The following EFNA3 variants were observed in gnomAD, a reference collection of about 807,000 sequenced individuals.
The protein encoded by EFNA3 is ephrin A3.
A neutral mutation model predicts 25.0 loss-of-function variants in EFNA3; 15 were observed. The ratio of observed to expected loss-of-function variants is 0.60; its 90% CI spans 0.40 to 0.92. EFNA3 has a LOEUF of 0.92. EFNA3 is among the 40% of genes least tolerant of loss of function. The probability of loss-of-function intolerance (pLI) is 0.00; values close to 1 mark genes in which losing one functional copy is unlikely to be tolerated. For synonymous variants in EFNA3, 153 were observed against 145.6 expected (o/e 1.05, Z -0.37); for missense variants, 298 against 323.8 (o/e 0.92, Z 0.61).
In EFNA3 at chr1:155,085,069, A is replaced by C; in HGVS notation, c.129-22A>C. ...TTTGCTCTGGGGTTTCTTCTCTCTG[A>C]GCCGCTTCCTCTTCCCCACAGCCTG... On this transcript the variant is annotated intron_variant, in intron 1 of 4. Coordinates refer to ENST00000368408, the MANE Select transcript of EFNA3 (RefSeq NM_004952.5). The surrounding 1 kb of genome is among the most constrained non-coding windows in gnomAD (Gnocchi z 4.4). 6.2e-7 allele frequency: 1 copy of C among 1,611,986 alleles called. No individual in the cohort carries two copies. The highest frequency in any genetic ancestry group is 1.1e-5 in the South Asian group (1 of 90,880).
rs2102451623 is a variant in EFNA3, at chr1:155,081,448, T to C, written c.128+2379T>C. On this transcript the variant is annotated intron_variant, in intron 1 of 4. Transcript: ENST00000368408. This position sits in a 1 kb window ranked among gnomAD's most constrained non-coding sequence, Gnocchi z 5.2. Reference sequence around the variant, plus strand: ...ACTGAGCAAGGATGTTGGTATTTGCTCCGTTCTCAAGGAGCTTCGGGAACA... The same window carrying C: ...ACTGAGCAAGGATGTTGGTATTTGCCCCGTTCTCAAGGAGCTTCGGGAACA... Among the ~76,000 whole-genome samples the C allele has an allele frequency of 6.6e-6, 1 of 152,362 alleles. No individual in the cohort carries two copies. The highest frequency in any genetic ancestry group is 2.1e-4 in the South Asian group (1 of 4,832).
chr1:155,085,368 T>C lies in EFNA3; in HGVS notation c.406T>C (p.Tyr136His), dbSNP rs1663434166. 4 of 1,611,220 alleles carry C rather than the reference T, an allele frequency of 2.5e-6. No individual in the cohort carries two copies. The highest frequency in any genetic ancestry group is 2.2e-5 in the South Asian group (2 of 90,848). ...FQRYSAFSLG[Y>H]EFHAGHEYYY... ...GCGCTACAGCGCCTTCTCTCTGGGC[T>C]ACGAGTTCCACGCCGGCCACGAGTA... The change falls in exon 2 of 5, where the codon TAC becomes CAC. Residue 136 changes from tyrosine (Y) to histidine (H), a missense_variant. By Grantham distance (83) the Tyr-to-His change is moderately conservative (BLOSUM62 2). Coordinates refer to ENST00000368408, the MANE Select transcript of EFNA3 (RefSeq NM_004952.5). This position sits in a 1 kb window ranked among gnomAD's most constrained non-coding sequence, Gnocchi z 4.4.
At position 155,079,650 on chromosome 1, in the gene EFNA3, G is replaced by T. The variant is rs1331888967; in HGVS notation, c.128+581G>T. Among the ~76,000 whole-genome samples the T allele has an allele frequency of 6.6e-6, 1 of 152,176 alleles. No individual in the cohort carries two copies. Among genetic ancestry groups the T allele is most frequent in the Admixed American group, 6.5e-5 (1 of 15,286 alleles). On this transcript the variant is annotated intron_variant, in intron 1 of 4. Transcript: ENST00000368408. The surrounding 1 kb of genome is among the most constrained non-coding windows in gnomAD (Gnocchi z 7.7). ...TGGGGGGCCCTGGGAATGCTGCTTG[G>T]TTAGGATGGGAACGTGGGGTACCGG...
At position 155,079,025 on chromosome 1, in the gene EFNA3, G is replaced by A. The variant is rs1460548925; in HGVS notation, c.84G>A (p.Ala28=). Residue 28 remains alanine, a synonymous_variant, in exon 1 of 5, where the codon GCG becomes GCA. Coordinates refer to ENST00000368408, the MANE Select transcript of EFNA3 (RefSeq NM_004952.5). This position sits in a 1 kb window ranked among gnomAD's most constrained non-coding sequence, Gnocchi z 7.7. ...LPLLAQGPGG[A]LGNRHAVYWN... The stretch of plus-strand genomic sequence containing the variant: ...TGCTGGCCCAAGGGCCCGGAGGGGC[G>A]CTGGGAAACCGGCATGCGGTGTACT... 2.8e-6 allele frequency: 4 copies of A among 1,420,970 alleles called. No individual in the cohort carries two copies. The highest frequency in any genetic ancestry group is 6.1e-5 in the East Asian group (2 of 32,812). 88.0% of individuals were successfully genotyped at this position (1,420,970 alleles called of 1,614,324 possible).
At chr1:155,084,006 C>A (rs1242231163) in intron 1 of EFNA3, among the ~76,000 whole-genome samples, 1 of 152,222 alleles carries the variant, frequency 6.6e-6, no homozygotes, top group Non-Finnish European at 1.5e-5. Flanking sequence ...GGTGTTAAGA[C>A]CAACACTTTG....
Position 155,085,414 on chromosome 1 carries a change from G to C in EFNA3, c.442+10G>C. The C allele has an allele frequency of 6.4e-7, 1 of 1,556,444 alleles. No individual in the cohort carries two copies. Among genetic ancestry groups the C allele is most frequent in the Non-Finnish European group, 8.7e-7 (1 of 1,145,436 alleles). ...GAGTACTACTACATCTGTGAGTGAC[G>C]GCGGCCGGGCGGGCGGGTCTGAACG... is the stretch of plus-strand genomic sequence containing the variant. On this transcript the variant is annotated intron_variant, in intron 2 of 4. Transcript: ENST00000368408. The surrounding 1 kb of genome is among the most constrained non-coding windows in gnomAD (Gnocchi z 4.4).
chr1:155,086,006 C>A, intron 3 of EFNA3, 64 bp downstream of exon 3: 3 of 1,574,996 alleles, frequency 1.9e-6, no homozygotes, highest in Non-Finnish European at 1.7e-6. Context: ...GCTCCCCTGG[C>A]TTCCTGGGGG....
rs1205151864 is a variant in EFNA3 at position 155,085,273 on chromosome 1, G to A, written c.311G>A (p.Gly104Asp). 1 of 1,612,998 alleles carries A rather than the reference G, an allele frequency of 6.2e-7. No individual in the cohort carries two copies. ...NGYRTCNASQ[G>D]FKRWECNRPH... ...TACCGCACCTGCAACGCCAGCCAGG[G>A]CTTCAAGCGCTGGGAGTGCAACCGG... The change falls in exon 2 of 5, where the codon GGC (glycine) becomes GAC (aspartate). Residue 104 changes from glycine (G) to aspartate (D), a missense_variant. By Grantham distance (94) the Gly-to-Asp change is moderately conservative (BLOSUM62 -1). Coordinates refer to ENST00000368408, the MANE Select transcript of EFNA3 (RefSeq NM_004952.5). This position sits in a 1 kb window ranked among gnomAD's most constrained non-coding sequence, Gnocchi z 4.4.
chr1:155,086,736 C>T lies in EFNA3; in HGVS notation c.*193C>T, dbSNP rs1571665454. On this transcript the variant is annotated 3_prime_UTR_variant, in exon 5 of 5. Transcript: ENST00000368408. The stretch of plus-strand genomic sequence containing the variant: ...GTAGGGCACTGTAGTGGACCAAGCA[C>T]GGGGACAGCCATGGGTCCCGGGCGG... 2 of 675,098 alleles carry T rather than the reference C, an allele frequency of 3.0e-6. No homozygotes were observed. The highest frequency in any genetic ancestry group is 4.8e-6 in the Non-Finnish European group (2 of 418,540). 41.8% of individuals were successfully genotyped at this position (675,098 alleles called of 1,614,324 possible). A position where few individuals can be genotyped will look rare whatever the true frequency, so the allele number is the denominator to read the frequency against.
At position 155,085,021 on chromosome 1, in the gene EFNA3, G is replaced by A. The variant is rs1663423447; in HGVS notation, c.129-70G>A. Reference sequence around the variant, plus strand: ...TACGCGGACCCTGGGGAGGGGCTGCGGAGCGGTCAGATGGAAAGCGGCTTT... The same window carrying A: ...TACGCGGACCCTGGGGAGGGGCTGCAGAGCGGTCAGATGGAAAGCGGCTTT... On this transcript the variant is annotated intron_variant, in intron 1 of 4. Coordinates refer to ENST00000368408, the MANE Select transcript of EFNA3 (RefSeq NM_004952.5). This position sits in a 1 kb window ranked among gnomAD's most constrained non-coding sequence, Gnocchi z 4.4. 1.9e-6 allele frequency: 3 copies of A among 1,546,968 alleles called. No individual in the cohort carries two copies. The highest frequency in any genetic ancestry group is 1.8e-6 in the Non-Finnish European group (2 of 1,133,492).
intron 1 of EFNA3, among the ~76,000 whole-genome samples, chr1:155,082,113 C>T (rs1663353528): frequency 6.6e-6 from 1 of 152,244 alleles, no homozygotes; most frequent in Admixed American, 6.5e-5. Context: ...GCAACCGCCG[C>T]CCCCCAGCGT....
rs1338808187 is a variant in EFNA3, at chr1:155,086,552, C to T, written c.*9C>T. 1.9e-6 allele frequency: 3 copies of T among 1,604,512 alleles called. No homozygotes were observed. Among genetic ancestry groups the T allele is most frequent in the Non-Finnish European group, 1.7e-6 (2 of 1,179,238 alleles). On this transcript the variant is annotated 3_prime_UTR_variant, in exon 5 of 5. Transcript: ENST00000368408. ...CGTTCTTGGCCTCCTAGCTCTGCCC[C>T]CTCCCCTGGGGGGGGAGAGATGGGG... is the stretch of plus-strand genomic sequence containing the variant.
Position 155,085,517 on chromosome 1 carries a change from C to A in EFNA3, c.442+113C>A. On this transcript the variant is annotated intron_variant, in intron 2 of 4. Transcript: ENST00000368408. This position sits in a 1 kb window ranked among gnomAD's most constrained non-coding sequence, Gnocchi z 4.4. ...CCGGCGCGGCGGGCGCCAGGTCTCG[C>A]GGCTGAGACCAGGGAGGAGGCGTGG... The A allele has an allele frequency of 1.5e-6, 2 of 1,305,608 alleles. No homozygotes were observed. Among genetic ancestry groups the A allele is most frequent in the Non-Finnish European group, 2.1e-6 (2 of 974,430 alleles). 80.9% of individuals were successfully genotyped at this position (1,305,608 alleles called of 1,614,324 possible).
At chr1:155,082,280 T>C (rs972534645) in intron 1 of EFNA3, among the ~76,000 whole-genome samples, 1 of 151,974 alleles carries the variant, frequency 6.6e-6, no homozygotes, top group Non-Finnish European at 1.5e-5. Flanking sequence ...CCTCCACCCC[T>C]GTAACTCTGC....
Position 155,086,119 on chromosome 1 carries a change from A to ACCCC in EFNA3, c.509-8_509-5dup. The ACCCC allele has an allele frequency of 8.8e-7, 1 of 1,131,170 alleles. No individual in the cohort carries two copies. The highest frequency in any genetic ancestry group is 1.2e-6 in the Non-Finnish European group (1 of 800,676). 70.1% of individuals were successfully genotyped at this position (1,131,170 alleles called of 1,614,324 possible). On this transcript the variant is annotated splice_polypyrimidine_tract_variant and intron_variant, in intron 3 of 4. Coordinates refer to ENST00000368408, the MANE Select transcript of EFNA3 (RefSeq NM_004952.5). ...CCTCCTCTCTCCCCACCCGCACCCC[A>ACCCC]CCCCGCAGCATCGCACTCCGGGGAG...
rs1184643994 is a variant in EFNA3 at position 155,079,560 on chromosome 1, C to T, written c.128+491C>T. 6.6e-6 allele frequency among the ~76,000 whole-genome samples: 1 copy of T among 152,044 alleles called. No individual in the cohort carries two copies. The highest frequency in any genetic ancestry group is 2.4e-5 in the African/African-American group (1 of 41,372). ...ACCGAGCACCTCCCTAGAAGGAAGGCGAATGGGTTGTCTTGGTTGTGTGGA... is the reference window on the plus strand; with the variant it reads ...ACCGAGCACCTCCCTAGAAGGAAGGTGAATGGGTTGTCTTGGTTGTGTGGA... On this transcript the variant is annotated intron_variant, in intron 1 of 4. Coordinates refer to ENST00000368408, the MANE Select transcript of EFNA3 (RefSeq NM_004952.5). This position sits in a 1 kb window ranked among gnomAD's most constrained non-coding sequence, Gnocchi z 7.7.
rs1446459152 is a variant in EFNA3, at chr1:155,085,537, G to T, written c.442+133G>T. The T allele has an allele frequency of 3.5e-6, 4 of 1,157,842 alleles. No homozygotes were observed. Among genetic ancestry groups the T allele is most frequent in the Non-Finnish European group, 4.7e-6 (4 of 843,236 alleles). The allele number at this position is 1,157,842 out of a possible 1,614,324, so 71.7% of individuals were successfully genotyped here. A position where few individuals can be genotyped will look rare whatever the true frequency, so the allele number is the denominator to read the frequency against. The stretch of plus-strand genomic sequence containing the variant: ...TCTCGCGGCTGAGACCAGGGAGGAG[G>T]CGTGGGCACGGGACGCCTGAGGGGT... On this transcript the variant is annotated intron_variant, in intron 2 of 4. Transcript: ENST00000368408. The surrounding 1 kb of genome is among the most constrained non-coding windows in gnomAD (Gnocchi z 4.4).
At chr1:155,082,766 C>G (rs901068723) in intron 1 of EFNA3, among the ~76,000 whole-genome samples, 1 of 152,086 alleles carries the variant, frequency 6.6e-6, no homozygotes, top group South Asian at 2.1e-4. Flanking sequence ...GCCCTAGAGG[C>G]GGGGTTAGCT....
rs1411440489 is a variant in EFNA3 at position 155,079,389 on chromosome 1, G to A, written c.128+320G>A. On this transcript the variant is annotated intron_variant, in intron 1 of 4. Coordinates refer to ENST00000368408, the MANE Select transcript of EFNA3 (RefSeq NM_004952.5). This position sits in a 1 kb window ranked among gnomAD's most constrained non-coding sequence, Gnocchi z 7.7. ...TCCCATAGTCCCACCAGTTGGGCTG[G>A]GGTTTGGGGGTAGCGCTGTGCTGGG... Among the ~76,000 whole-genome samples, 2 of 152,206 alleles carry A rather than the reference G, an allele frequency of 1.3e-5. No individual in the cohort carries two copies. The highest frequency in any genetic ancestry group is 2.9e-5 in the Non-Finnish European group (2 of 68,036).
Sources: allele counts gnomAD v4.1 joint callset (sites outside exome capture counted in the v4.1 genomes callset), GRCh38; gene constraint gnomAD v4.1.1; non-coding constraint Gnocchi (gnomAD v3.1); transcripts MANE v1.5; gene names NCBI Gene and HGNC (gene_info 2026-07-23, HGNC 2026-07-21).